DCAF6: variants seen among roughly 807,000 people sequenced by gnomAD.
DCAF6 encodes the protein DDB1 and CUL4 associated factor 6, also known as DDB1- and CUL4-associated factor 6.
A neutral mutation model predicts 125.1 loss-of-function variants in DCAF6; 54 were observed. The observed-to-expected ratio is 0.43, with a 90% CI of 0.35 to 0.54. The LOEUF (loss-of-function observed/expected upper bound fraction) is 0.54, where lower values mean the gene tolerates loss of function less well. Among genes scored for constraint, DCAF6 ranks in the 20% least tolerant of loss-of-function variants. The probability of loss-of-function intolerance (pLI) is 0.01; values close to 1 mark genes in which losing one functional copy is unlikely to be tolerated. For missense variants in DCAF6, 934 were observed against 1,161.7 expected (o/e 0.80, Z 2.85); for synonymous variants, 371 against 390.4 (o/e 0.95, Z 0.58).
chr1:167,875,064 G>T, the DCAF6 span: 1 of 1,218,640 alleles, frequency 8.2e-7, no homozygotes, highest in Non-Finnish European at 1.2e-6. Context: ...AGTTATCATT[G>T]ATGTACTTTT....
chr1:167,890,534 C>T, the DCAF6 span, among the ~76,000 whole-genome samples: 1 of 152,088 alleles, frequency 6.6e-6, no homozygotes, highest in South Asian at 2.1e-4. Context: ...TGGATATTGC[C>T]CAAGGCCCAC....
intron 2 of DCAF6, among the ~76,000 whole-genome samples, 168 bp from the exon 3 acceptor site, chr1:167,966,461 C>A (rs950133356): frequency 1.3e-5 from 2 of 152,104 alleles, no homozygotes; most frequent in Admixed American, 6.6e-5. Context: ...AATTCTTCTT[C>A]TTCTACTGTG....
upstream of DCAF6, among the ~76,000 whole-genome samples, chr1:167,932,180 T>A (rs190535517): frequency 6.6e-6 from 1 of 152,350 alleles, no homozygotes; most frequent in African/African-American, 2.4e-5. Flanking sequence ...TTAGACTCTT[T>A]AGAGCTGTGG....
At chr1:167,895,140 C>T in the DCAF6 span, among the ~76,000 whole-genome samples, 1 of 150,894 alleles carries the variant, frequency 6.6e-6, no homozygotes, top group South Asian at 2.1e-4. Flanking sequence ...CCATATCGCG[C>T]CAGTGCACTC....
At chr1:167,938,503 G>A (rs149390365) in intron 1 of DCAF6, among the ~76,000 whole-genome samples, 1 of 152,156 alleles carries the variant, frequency 6.6e-6, no homozygotes, top group Admixed American at 6.6e-5. Context: ...ACAAGCTTCT[G>A]TGCATTTGTT....
At chr1:168,022,713 A>G (rs560771553) in intron 11 of DCAF6, among the ~76,000 whole-genome samples, 86 of 152,208 alleles carry the variant, frequency 5.7e-4, no homozygotes, top group Non-Finnish European at 1.1e-3. Flanking sequence ...TCTACCTTGC[A>G]CCTTGTGCCT....
chr1:167,896,176 G>A, the DCAF6 span, among the ~76,000 whole-genome samples: 1 of 152,252 alleles, frequency 6.6e-6, no homozygotes, highest in Admixed American at 6.5e-5. Flanking sequence ...GAGCAGGTGA[G>A]CACAGACATC....
chr1:167,950,875 A>G (rs986842875), intron 1 of DCAF6, among the ~76,000 whole-genome samples: 3 of 152,232 alleles, frequency 2.0e-5, no homozygotes, highest in Non-Finnish European at 4.4e-5. Context: ...CTGTTCTGCT[A>G]TTGATGGACA....
chr1:167,963,057 C>G (rs141279187), intron 2 of DCAF6, among the ~76,000 whole-genome samples: 1 of 151,924 alleles, frequency 6.6e-6, no homozygotes, highest in Non-Finnish European at 1.5e-5. Flanking sequence ...GTCTGGAGTT[C>G]GAGACCAGCC....
the DCAF6 span, among the ~76,000 whole-genome samples, chr1:167,918,760 A>ATT: frequency 6.6e-6 from 1 of 151,656 alleles, no homozygotes; most frequent in African/African-American, 2.4e-5. Context: ...CTTCTGGCTA[A>ATT]TTTTTTGTAT....
At chr1:167,996,679 T>C in intron 7 of DCAF6, among the ~76,000 whole-genome samples, 1 of 152,180 alleles carries the variant, frequency 6.6e-6, no homozygotes, top group Non-Finnish European at 1.5e-5. Context: ...AGATCTTATA[T>C]TATCTGGTCC....
chr1:167,880,074 G>A, the DCAF6 span: 248 of 1,560,802 alleles, frequency 1.6e-4, 2 homozygotes, highest in East Asian at 2.7e-3. Context: ...AAGGTGCTGT[G>A]TTTGCAGAAA....
intron 17 of DCAF6, among the ~76,000 whole-genome samples, chr1:168,056,934 C>A (rs1558040539): frequency 6.6e-6 from 1 of 152,132 alleles, no homozygotes; most frequent in African/African-American, 2.4e-5. Context: ...TAAAGAATTT[C>A]TTTCTACAGA....
chr1:168,048,341 A>G (rs1308437417), intron 16 of DCAF6, among the ~76,000 whole-genome samples: 2 of 152,214 alleles, frequency 1.3e-5, no homozygotes, highest in African/African-American at 4.8e-5. Context: ...TGTATACTTA[A>G]TTTGATCTGT....
intron 7 of DCAF6, among the ~76,000 whole-genome samples, chr1:167,997,366 T>C (rs1325838259): frequency 6.6e-6 from 1 of 152,174 alleles, no homozygotes; most frequent in East Asian, 1.9e-4. Flanking sequence ...TGGGAGTGAT[T>C]AGTTGTTTGA....
chr1:167,883,798 A>C, the DCAF6 span, among the ~76,000 whole-genome samples: 1 of 152,104 alleles, frequency 6.6e-6, no homozygotes, highest in Non-Finnish European at 1.5e-5. Flanking sequence ...AAATATAATC[A>C]AAATCCCTCT....
At chr1:168,037,103 C>CTTTTTT (rs752448825) in intron 12 of DCAF6, among the ~76,000 whole-genome samples, 2 of 148,318 alleles carry the variant, frequency 1.3e-5, no homozygotes, top group African/African-American at 5.1e-5. Context: ...TTCTCCCCCC[C>CTTTTTT]CTTTTTTTTT....
chr1:167,950,528 C>T (rs2102703833), intron 1 of DCAF6, among the ~76,000 whole-genome samples: 1 of 152,164 alleles, frequency 6.6e-6, no homozygotes, highest in Admixed American at 6.5e-5. Flanking sequence ...TCATCCTTTA[C>T]CTAGCCATCT....
chr1:168,060,629 T>C (rs1288088075), intron 17 of DCAF6, among the ~76,000 whole-genome samples: 3 of 152,192 alleles, frequency 2.0e-5, no homozygotes, highest in South Asian at 2.1e-4. Context: ...TGGTGACTCA[T>C]GCCTGTAATC....
Sources: allele counts gnomAD v4.1 joint callset (sites outside exome capture counted in the v4.1 genomes callset), GRCh38; gene constraint gnomAD v4.1.1; transcripts MANE v1.5; gene names NCBI Gene and HGNC (gene_info 2026-07-23, HGNC 2026-07-21).